Variants in CCZ1B observed in about 807,000 individuals in gnomAD.
CCZ1B encodes CCZ1B vacuolar protein trafficking and biogenesis associated, also known as vacuolar fusion protein CCZ1 homolog B.
CCZ1B carries 25 observed loss-of-function variants against 58.8 expected under a neutral mutation model. That is an observed-to-expected ratio of 0.43 (90% CI 0.31 to 0.59). The LOEUF (loss-of-function observed/expected upper bound fraction) is 0.59, where lower values mean the gene tolerates loss of function less well. Among genes scored for constraint, CCZ1B ranks in the 20% least tolerant of loss-of-function variants. CCZ1B has a pLI of 0.12. For missense variants in CCZ1B, 180 were observed against 501.5 expected (o/e 0.36, Z 6.12); for synonymous variants, 66 against 173.2 (o/e 0.38, Z 4.86).
At chr7:6,809,565 G>A (rs1301275883) in intron 10 of CCZ1B, among the ~76,000 whole-genome samples, 1 of 138,774 alleles carries the variant, frequency 7.2e-6, no homozygotes, top group Non-Finnish European at 1.5e-5. Flanking sequence ...ACTTTCACTC[G>A]ATACACAAAC....
intron 12 of CCZ1B, 65 bp from the exon 13 acceptor site, chr7:6,801,588 AT>A: frequency 1.8e-5 from 1 of 55,798 alleles, no homozygotes; most frequent in Non-Finnish European, 2.8e-5. Context: ...TTCTTTTAAA[AT>A]TTTTTTGAGA....
chr7:6,821,569 G>T (rs148939857), intron 6 of CCZ1B, among the ~76,000 whole-genome samples: 1,757 of 152,222 alleles, frequency 0.012, 2 homozygotes, highest in African/African-American at 0.04. Context: ...ATTTTCAGAA[G>T]AAAATAAATT....
chr7:6,815,143 C>A (rs1385118701), intron 7 of CCZ1B, among the ~76,000 whole-genome samples: 1 of 146,170 alleles, frequency 6.8e-6, no homozygotes. Flanking sequence ...GGATAAAGCT[C>A]ATTTTTTATT....
chr7:6,811,812 A>G, intron 10 of CCZ1B, 140 bp downstream of exon 10: 2 of 664,154 alleles, frequency 3.0e-6, no homozygotes, highest in South Asian at 4.0e-5. Flanking sequence ...AAGAACACCC[A>G]TTTTGAGTTT....
intron 12 of CCZ1B, among the ~76,000 whole-genome samples, chr7:6,801,764 C>CG (rs1389345087): frequency 1.9e-5 from 1 of 51,694 alleles, no homozygotes; most frequent in African/African-American, 7.3e-5. Context: ...TTAGTAGAGA[C>CG]GGGGTTTCAC....
chr7:6,817,408 G>T (rs1240455811), intron 7 of CCZ1B, among the ~76,000 whole-genome samples: 1 of 150,730 alleles, frequency 6.6e-6, no homozygotes, highest in Non-Finnish European at 1.5e-5. Flanking sequence ...CTGTCCCAGA[G>T]ATCAGAATCT....
chr7:6,818,304 T>C (rs1409319818), intron 7 of CCZ1B, among the ~76,000 whole-genome samples: 3 of 149,574 alleles, frequency 2.0e-5, no homozygotes, highest in African/African-American at 5.0e-5. Context: ...ATCGCGGCAC[T>C]TTGGGAGGCC....
At chr7:6,809,378 G>A (rs1462464414) in intron 10 of CCZ1B, among the ~76,000 whole-genome samples, 1 of 139,046 alleles carries the variant, frequency 7.2e-6, no homozygotes, top group Non-Finnish European at 1.5e-5. Flanking sequence ...TAAGAAAAAG[G>A]TAAGGACCCT....
chr7:6,802,076 C>T (rs1451842135), intron 12 of CCZ1B, among the ~76,000 whole-genome samples: 2 of 96,552 alleles, frequency 2.1e-5, no homozygotes, highest in African/African-American at 7.8e-5. Context: ...AGTAACACCT[C>T]GTTCCTCCCA....
intron 12 of CCZ1B, among the ~76,000 whole-genome samples, chr7:6,801,913 G>A (rs1186269908): frequency 0.02 from 2,390 of 119,496 alleles, 33 homozygotes; most frequent in African/African-American, 0.067. Flanking sequence ...CGGGAACCTC[G>A]CCATTGCCAC....
At chr7:6,817,149 GAGC>G (rs1177850208) in intron 7 of CCZ1B, among the ~76,000 whole-genome samples, 2 of 152,218 alleles carry the variant, frequency 1.3e-5, no homozygotes, top group Non-Finnish European at 2.9e-5. Flanking sequence ...GGTGACAACC[GAGC>G]AGTTCTGTGC....
chr7:6,810,119 C>G lies in CCZ1B; in HGVS notation c.954+1833G>C, dbSNP rs1461423717. On this transcript the variant is annotated intron_variant, in intron 10 of 14. Transcript: ENST00000316731. The stretch of plus-strand genomic sequence containing the variant: ...CTCCGCCTCGCGGGTACAAGTGATT[C>G]TCCTGCCTCAGCCTCCGGAGTAGCT... Among the ~76,000 whole-genome samples, 3 of 150,328 alleles carry G rather than the reference C, an allele frequency of 2.0e-5. No individual in the cohort carries two copies. In the South Asian group the frequency reaches 6.3e-4, roughly 32 times the overall value.
chr7:6,819,036 G>A (rs1270580837), intron 7 of CCZ1B, among the ~76,000 whole-genome samples: 1 of 138,250 alleles, frequency 7.2e-6, no homozygotes, highest in Non-Finnish European at 1.5e-5. Context: ...TGTAATCCCA[G>A]CACTTTGGGA....
chr7:6,823,150 G>A (rs1783137984), intron 5 of CCZ1B, among the ~76,000 whole-genome samples, 163 bp downstream of exon 5: 1 of 148,788 alleles, frequency 6.7e-6, no homozygotes, highest in South Asian at 2.1e-4. Flanking sequence ...ATAAATGTAG[G>A]CATAAACCTC....
intron 7 of CCZ1B, 137 bp downstream of exon 7, chr7:6,819,629 G>C (rs1344407294): frequency 1.7e-6 from 1 of 593,504 alleles, no homozygotes. Context: ...GCTTTATTTT[G>C]ACAATATCTA....
At chr7:6,817,992 C>G (rs796999002) in intron 7 of CCZ1B, among the ~76,000 whole-genome samples, 1 of 147,712 alleles carries the variant, frequency 6.8e-6, no homozygotes, top group African/African-American at 2.6e-5. Context: ...CAACAGAAAG[C>G]GACTCCATTT....
rs1313060164 is a variant in CCZ1B at position 6,813,452 on chromosome 7, C to T, written c.781-415G>A. 1.3e-4 allele frequency among the ~76,000 whole-genome samples: 20 copies of T among 149,212 alleles called. 3 individuals are homozygous for T. The highest frequency in any genetic ancestry group is 5.1e-4 in the African/African-American group (20 of 39,450). On this transcript the variant is annotated intron_variant, in intron 8 of 14. Transcript: ENST00000316731. ...AATTAACCAGGTGTGGTGGCACACA[C>T]CTGTAGTCTCAGCTACTTGGGAGGC...
chr7:6,820,041 T>C, intron 6 of CCZ1B, 100 bp from the exon 7 acceptor site: 2 of 1,329,936 alleles, frequency 1.5e-6, no homozygotes, highest in Non-Finnish European at 2.1e-6. Flanking sequence ...ACATTTATGG[T>C]ACAATTACAT....
chr7:6,818,172 T>C (rs1317751251), intron 7 of CCZ1B, among the ~76,000 whole-genome samples: 1 of 149,618 alleles, frequency 6.7e-6, no homozygotes, highest in Non-Finnish European at 1.5e-5. Context: ...GCAGGGAAGG[T>C]AAATTTTAGG....
Sources: gnomAD v4.1 joint callset for allele counts (sites outside exome capture counted in the v4.1 genomes callset) on GRCh38, gnomAD v4.1.1 for gene constraint, MANE v1.5 for transcripts, NCBI Gene and HGNC (gene_info 2026-07-23, HGNC 2026-07-21) for gene names.